Variants in TANC1 observed in about 807,000 individuals in gnomAD.
The protein encoded by TANC1 is tetratricopeptide repeat, ankyrin repeat and coiled-coil containing 1.
In TANC1, 77 loss-of-function variants were observed where a neutral mutation model predicts 149.7. The ratio of observed to expected loss-of-function variants is 0.51; its 90% confidence interval spans 0.43 to 0.62. The LOEUF (loss-of-function observed/expected upper bound fraction) is 0.62, where lower values mean the gene tolerates loss of function less well. Ranked by LOEUF, TANC1 falls within the 20% of genes least tolerant of loss-of-function variation. TANC1 has a pLI of 0.00. For missense variants in TANC1, 1,985 were observed against 2,321.8 expected (o/e 0.85, Z 2.98); for synonymous variants, 854 against 925.0 (o/e 0.92, Z 1.39).
chr2:159,189,698 C>T (rs565039937), intron 16 of TANC1, among the ~76,000 whole-genome samples: 1 of 152,166 alleles, frequency 6.6e-6, no homozygotes, highest in Non-Finnish European at 1.5e-5. Flanking sequence ...GGGCGCCTGA[C>T]ACTCAGCAAG....
At chr2:159,049,149 A>G in intron 2 of TANC1, among the ~76,000 whole-genome samples, 1 of 152,182 alleles carries the variant, frequency 6.6e-6, no homozygotes, top group East Asian at 1.9e-4. Context: ...CCCTTTTAAT[A>G]CATAGATAAA....
chr2:159,190,569 G>T (rs2057366543), intron 16 of TANC1, among the ~76,000 whole-genome samples: 1 of 151,874 alleles, frequency 6.6e-6, no homozygotes, highest in South Asian at 2.1e-4. Context: ...TTATTATTTT[G>T]AGATGGAGTT....
In TANC1 at chr2:159,181,804, G is replaced by C. The variant is rs538311757; in HGVS notation, c.2510+2641G>C. On this transcript the variant is annotated intron_variant, in intron 14 of 26. Coordinates refer to ENST00000263635, the MANE Select transcript of TANC1 (RefSeq NM_033394.3). ...CTGAGTGCTGGTAGCTATTAAATCA[G>C]ATCTTAAGACGATGTACTACCTCTC... Among the ~76,000 whole-genome samples the C allele has an allele frequency of 2.6e-5, 4 of 152,256 alleles. No homozygotes were observed. In the South Asian group the frequency reaches 8.3e-4, roughly 32 times the overall value.
chr2:159,178,625 A>T lies in TANC1; in HGVS notation c.1972A>T (p.Ser658Cys). ...CTTCCCAGACAACAAAGACATCCAC[A>T]GTGACCTGCACGCCTACGTCCAGCA... The part of the protein sequence containing the change: ...DDFPDNKDIH[S>C]DLHAYVQHRV... Residue 658 changes from serine to cysteine, a missense_variant, in exon 14 of 27, where the codon AGT becomes TGT. By Grantham distance (112) the Ser-to-Cys change is moderately radical. This residue lies in a region of TANC1 where 508 missense variants were observed against 714.2 expected (regional missense o/e 0.71). Coordinates refer to ENST00000263635, the MANE Select transcript of TANC1 (RefSeq NM_033394.3). The T allele has an allele frequency of 6.2e-7, 1 of 1,613,674 alleles. No homozygotes were observed. Among genetic ancestry groups the T allele is most frequent in the Non-Finnish European group, 8.5e-7 (1 of 1,179,814 alleles).
At chr2:159,153,068 C>G (rs558249447) in intron 7 of TANC1, among the ~76,000 whole-genome samples, 2 of 152,142 alleles carry the variant, frequency 1.3e-5, no homozygotes, top group African/African-American at 2.4e-5. Flanking sequence ...AATTTTCTCT[C>G]CAGATGTAAA....
At chr2:158,986,793 ATACT>A (rs765666542) in intron 1 of TANC1, among the ~76,000 whole-genome samples, 5 of 152,214 alleles carry the variant, frequency 3.3e-5, no homozygotes, top group Admixed American at 6.5e-5. Context: ...GTGTACATTC[ATACT>A]TAATTCTGCC....
At chr2:159,143,193 A>G (rs937360690) in intron 5 of TANC1, among the ~76,000 whole-genome samples, 1 of 152,180 alleles carries the variant, frequency 6.6e-6, no homozygotes, top group African/African-American at 2.4e-5. Flanking sequence ...TACACCTGTC[A>G]CATTGAGCTT....
At chr2:159,225,498 T>C in intron 23 of TANC1, 190 bp from the exon 24 acceptor site, 1 of 604,856 alleles carries the variant, frequency 1.7e-6, no homozygotes, top group Non-Finnish European at 3.0e-6. Context: ...CAAGGACAGA[T>C]TTGAGTGCCC....
At chr2:159,203,550 T>C (rs1332004713) in intron 19 of TANC1, among the ~76,000 whole-genome samples, 2 of 151,796 alleles carry the variant, frequency 1.3e-5, no homozygotes, top group Admixed American at 6.6e-5. Context: ...AGGCTGCTTT[T>C]CCCAAATTGT....
intron 5 of TANC1, among the ~76,000 whole-genome samples, chr2:159,144,614 C>T (rs757478064): frequency 2.0e-5 from 3 of 152,090 alleles, no homozygotes; most frequent in East Asian, 3.9e-4. Flanking sequence ...CTGATCCACT[C>T]GAACATCTGA....
At chr2:159,209,258 T>G (rs2058831027) in intron 19 of TANC1, among the ~76,000 whole-genome samples, 1 of 152,182 alleles carries the variant, frequency 6.6e-6, no homozygotes, top group Admixed American at 6.5e-5. Flanking sequence ...TTGATTACCT[T>G]TCATTTTATC....
intron 4 of TANC1, among the ~76,000 whole-genome samples, chr2:159,100,710 AT>A (rs919057112): frequency 7.9e-5 from 12 of 152,306 alleles, no homozygotes; most frequent in African/African-American, 2.9e-4. Flanking sequence ...GGTAATTTTA[AT>A]TGGAAAAGTT....
intron 16 of TANC1, 84 bp from the exon 17 acceptor site, chr2:159,194,173 C>A: frequency 9.3e-7 from 1 of 1,074,616 alleles, no homozygotes; most frequent in South Asian, 1.3e-5. Flanking sequence ...TAAAATGATA[C>A]CGAAAATTGA....
intron 1 of TANC1, among the ~76,000 whole-genome samples, chr2:158,980,643 C>T (rs2034194217): frequency 6.6e-6 from 1 of 151,812 alleles, no homozygotes; most frequent in Admixed American, 6.6e-5. Flanking sequence ...GGCATGGTGG[C>T]GGGCACCTGT....
intron 2 of TANC1, among the ~76,000 whole-genome samples, chr2:159,005,079 G>A (rs1392375722): frequency 6.6e-6 from 1 of 152,180 alleles, no homozygotes; most frequent in Non-Finnish European, 1.5e-5. Context: ...TATTGTTTGT[G>A]GTTCAGGAAC....
chr2:159,127,444 G>A (rs976055456), intron 4 of TANC1, among the ~76,000 whole-genome samples: 2 of 152,164 alleles, frequency 1.3e-5, no homozygotes, highest in African/African-American at 4.8e-5. Flanking sequence ...ATTTGACCTA[G>A]CAATCCCATT....
At chr2:159,158,812 C>T (rs778454311) in intron 7 of TANC1, among the ~76,000 whole-genome samples, 1 of 152,180 alleles carries the variant, frequency 6.6e-6, no homozygotes, top group South Asian at 2.1e-4. Context: ...CAAAAATGTC[C>T]ATTGCCCAAA....
chr2:159,149,340 T>A, intron 6 of TANC1, 68 bp downstream of exon 6: 1 of 1,602,626 alleles, frequency 6.2e-7, no homozygotes, highest in East Asian at 2.2e-5. Flanking sequence ...AACCATCTTC[T>A]CCCTTTCCTT....
At chr2:159,033,831 G>A (rs2039972317) in intron 2 of TANC1, among the ~76,000 whole-genome samples, 1 of 152,210 alleles carries the variant, frequency 6.6e-6, no homozygotes, top group Admixed American at 6.5e-5. Context: ...ATGTGCGCCA[G>A]CTGGTTTTAT....
Sources: gnomAD v4.1 joint callset for allele counts (sites outside exome capture counted in the v4.1 genomes callset) on GRCh38, gnomAD v4.1.1 for gene constraint, gnomAD v4.1.1 regional missense constraint, MANE v1.5 for transcripts, NCBI Gene and HGNC (gene_info 2026-07-23, HGNC 2026-07-21) for gene names.